The following P4HA1 variants were observed in gnomAD, a reference collection of about 807,000 sequenced individuals.
The protein encoded by P4HA1 is prolyl 4-hydroxylase subunit alpha-1.
A neutral mutation model predicts 72.8 loss-of-function variants in P4HA1; 24 were observed. That is an observed-to-expected ratio of 0.33 (90% CI 0.24 to 0.46). P4HA1 has a LOEUF of 0.46. P4HA1 is among the 20% of genes least tolerant of loss of function. P4HA1 has a pLI of 1.00. For missense variants in P4HA1, 446 were observed against 640.6 expected (o/e 0.70, Z 3.28); for synonymous variants, 201 against 218.8 (o/e 0.92, Z 0.72).
rs185326780 is a variant in P4HA1 at position 73,029,143 on chromosome 10, C to T, written c.1248+1128G>A. ...TTTGCAACCAGGCCAGGCACAGTGC[C>T]TCACGCCTGTGTAATCCCAGCACTT... On this transcript the variant is annotated intron_variant, in intron 10 of 14. Transcript: ENST00000394890. Among the ~76,000 whole-genome samples the T allele has an allele frequency of 3.2e-4, 48 of 151,164 alleles. 2 individuals are homozygous for T. Among genetic ancestry groups the T allele is most frequent in the Non-Finnish European group, 4.4e-5 (3 of 67,852 alleles).
chr10:73,083,243 TAAAAG>T (rs916823105), intron 1 of P4HA1, among the ~76,000 whole-genome samples: 2 of 152,196 alleles, frequency 1.3e-5, no homozygotes, highest in South Asian at 2.1e-4. Context: ...CTTCTGTTCT[TAAAAG>T]AAGAGTGAGC....
chr10:73,052,356 C>A (rs1380146451), intron 6 of P4HA1, among the ~76,000 whole-genome samples: 1 of 152,060 alleles, frequency 6.6e-6, no homozygotes, highest in Non-Finnish European at 1.5e-5. Flanking sequence ...TTACGATATC[C>A]AATATTAACC....
chr10:73,059,211 A>G (rs1031507551), intron 5 of P4HA1, among the ~76,000 whole-genome samples: 7 of 152,008 alleles, frequency 4.6e-5, no homozygotes, highest in South Asian at 2.1e-4. Flanking sequence ...GTTGAAAAGT[A>G]TAAGAATGAA....
In P4HA1 at chr10:73,038,771, C is replaced by T. The variant is rs968511634; in HGVS notation, c.1148+6210G>A. Among the ~76,000 whole-genome samples the T allele has an allele frequency of 5.9e-5, 8 of 135,678 alleles. 2 individuals carry two copies. The highest frequency in any genetic ancestry group is 3.2e-3 in the Middle Eastern group (1 of 310). The allele number at this position is 135,678 out of a possible 152,430, so 89.0% of individuals were successfully genotyped here. On this transcript the variant is annotated intron_variant, in intron 9 of 14. Coordinates refer to ENST00000394890, the MANE Select transcript of P4HA1 (RefSeq NM_001017962.3). ...CCTCCCAAGTAGCTGGGACTACAGG[C>T]GCCCGCCACTACGCCCGGCTAATTT...
intron 12 of P4HA1, among the ~76,000 whole-genome samples, chr10:73,013,871 G>T (rs1463005461): frequency 1.3e-5 from 2 of 151,982 alleles, no homozygotes; most frequent in African/African-American, 4.8e-5. Flanking sequence ...ATGTAATTCA[G>T]AAGTTTACTG....
chr10:73,024,661 A>G (rs1371422263), intron 10 of P4HA1, among the ~76,000 whole-genome samples: 1 of 152,214 alleles, frequency 6.6e-6, no homozygotes, highest in Non-Finnish European at 1.5e-5. Context: ...TGAAAGAGAT[A>G]CAGACATAAA....
intron 10 of P4HA1, among the ~76,000 whole-genome samples, chr10:73,024,472 C>T (rs962942527): frequency 6.6e-6 from 1 of 152,212 alleles, no homozygotes; most frequent in Non-Finnish European, 1.5e-5. Flanking sequence ...GTACCAGAAT[C>T]TCTGGGACAC....
chr10:73,012,789 TA>T (rs950895061), intron 12 of P4HA1, among the ~76,000 whole-genome samples: 29 of 152,036 alleles, frequency 1.9e-4, no homozygotes, highest in South Asian at 8.3e-4. Context: ...AAAATATATA[TA>T]TTTTTTTTAT....
In P4HA1 at chr10:73,068,932, T is replaced by C; in HGVS notation, c.377A>G (p.Asp126Gly). 1 of 1,612,538 alleles carries C rather than the reference T, an allele frequency of 6.2e-7. No individual in the cohort carries two copies. Residue 126 changes from aspartate (D) to glycine (G), a missense_variant, in exon 5 of 15, where the codon GAT (aspartate) becomes GGT (glycine). Physicochemically the swap from Asp to Gly is moderately conservative, Grantham distance 94. Transcript: ENST00000394890. ...CAGAGCTTTGGCTGCCCCAACCTGA[T>C]CTTCATCATTAGGAAAGTACTGTCT... ...IQRQYFPNDE[D>G]QVGAAKALLR...
chr10:73,030,482 G>A (rs1740077490), intron 9 of P4HA1, 112 bp from the exon 10 acceptor site: 1 of 445,882 alleles, frequency 2.2e-6, no homozygotes, highest in Non-Finnish European at 3.8e-6. Context: ...AACCTTTACT[G>A]AAGGCATTTA....
In P4HA1 at chr10:73,055,082, A is replaced by T. The variant is rs1333941071; in HGVS notation, c.464-1492T>A. Among the ~76,000 whole-genome samples the T allele has an allele frequency of 3.9e-5, 6 of 152,264 alleles. No homozygotes were observed. The East Asian group carries it at 9.7e-4, about 25-fold the overall frequency. ...ATCTAACAAAAAAAAAATTTTTAGAAATTAGCCAGACATTGTGGTGCATAC... is the reference window on the plus strand; with the variant it reads ...ATCTAACAAAAAAAAAATTTTTAGATATTAGCCAGACATTGTGGTGCATAC... On this transcript the variant is annotated intron_variant, in intron 5 of 14. Transcript: ENST00000394890.
chr10:73,076,302 C>A (rs568607775), intron 1 of P4HA1, among the ~76,000 whole-genome samples: 1 of 151,108 alleles, frequency 6.6e-6, no homozygotes. Context: ...GGGCTCAAAT[C>A]ATCCTCCCAC....
chr10:73,027,070 C>T (rs1004737263), intron 10 of P4HA1, among the ~76,000 whole-genome samples: 1 of 152,174 alleles, frequency 6.6e-6, no homozygotes, highest in African/African-American at 2.4e-5. Context: ...AGTAGAAATA[C>T]CATTTGACCC....
chr10:73,017,088 T>A (rs1347217844), intron 10 of P4HA1, among the ~76,000 whole-genome samples, 189 bp from the exon 11 acceptor site: 2 of 151,726 alleles, frequency 1.3e-5, no homozygotes, highest in Non-Finnish European at 2.9e-5. Context: ...CTACTATATA[T>A]CTATGTACAG....
chr10:73,026,128 A>G (rs1840260739), intron 10 of P4HA1, among the ~76,000 whole-genome samples: 1 of 152,228 alleles, frequency 6.6e-6, no homozygotes, highest in Non-Finnish European at 1.5e-5. Flanking sequence ...ATGGAACCAA[A>G]AAAGAGCCCA....
intron 10 of P4HA1, among the ~76,000 whole-genome samples, chr10:73,026,359 G>A (rs1840268037): frequency 2.6e-5 from 4 of 152,160 alleles, no homozygotes; most frequent in Admixed American, 2.6e-4. Flanking sequence ...ATGGGGAAAG[G>A]ATTCCCTATT....
intron 5 of P4HA1, among the ~76,000 whole-genome samples, chr10:73,058,472 A>G (rs1375342174): frequency 3.3e-5 from 5 of 152,118 alleles, no homozygotes; most frequent in Non-Finnish European, 5.9e-5. Flanking sequence ...CCTGTTCTGG[A>G]GCTTGCCTTT....
chr10:73,049,229 C>A (rs1840953931), intron 7 of P4HA1, among the ~76,000 whole-genome samples: 1 of 152,178 alleles, frequency 6.6e-6, no homozygotes, highest in African/African-American at 2.4e-5. Context: ...GAAAGTGTCA[C>A]CATACGTATT....
intron 10 of P4HA1, among the ~76,000 whole-genome samples, chr10:73,022,920 T>C (rs1483147198): frequency 6.6e-6 from 1 of 151,930 alleles, no homozygotes; most frequent in Non-Finnish European, 1.5e-5. Context: ...ATTAATGAAA[T>C]AAAGCAAGAA....
Sources: gnomAD v4.1 joint callset for allele counts (sites outside exome capture counted in the v4.1 genomes callset) on GRCh38, gnomAD v4.1.1 for gene constraint, MANE v1.5 for transcripts, NCBI Gene and HGNC (gene_info 2026-07-23, HGNC 2026-07-21) for gene names.